Variants in HDAC5 observed in about 807,000 individuals in gnomAD.
HDAC5 encodes antigen NY-CO-9.
In HDAC5, 25 loss-of-function variants were observed where a neutral mutation model predicts 133.3. The observed-to-expected ratio is 0.19, with a 90% confidence interval of 0.14 to 0.26. The LOEUF is 0.26. HDAC5 is among the 10% of genes least tolerant of loss of function. HDAC5 has a pLI of 1.00. For missense variants in HDAC5, 1,041 were observed against 1,460.5 expected, an observed-to-expected ratio of 0.71 and a Z score of 4.68; for synonymous variants, 589 against 610.8, an observed-to-expected ratio of 0.96 and a Z score of 0.53.
intron 3 of HDAC5, among the ~76,000 whole-genome samples, chr17:44,104,428 A>C (rs575798): frequency 0.69 from 105,268 of 152,196 alleles, 37,292 homozygotes; most frequent in South Asian, 0.88. Flanking sequence ...CAGCCTCAGA[A>C]TCCCACCAGA....
At chr17:44,103,711 CTTT>C (rs746802870) in intron 3 of HDAC5, among the ~76,000 whole-genome samples, 2 of 141,408 alleles carry the variant, frequency 1.4e-5, no homozygotes. Context: ...ATGGTTTTTT[CTTT>C]TTTTTTTTTT....
At position 44,085,173 on chromosome 17, in the gene HDAC5, G is replaced by A. The variant is rs769581769; in HGVS notation, c.2051-18C>T. On this transcript the variant is annotated intron_variant, in intron 14 of 26. Transcript: ENST00000682912. ...GACCACACCTGGGCCACAGACCTAT[G>A]TGTCAGCCAGCACTGCTCTGGGCCC... 3.2e-5 allele frequency: 50 copies of A among 1,579,652 alleles called. No homozygotes were observed. In the Admixed American group the frequency reaches 5.7e-4, roughly 18 times the overall value.
Position 44,084,625 on chromosome 17 carries a change from A to C in HDAC5, c.2235T>G (p.Ser745=). The C allele has an allele frequency of 5.6e-6, 9 of 1,614,084 alleles. No individual in the cohort carries two copies. Among genetic ancestry groups the C allele is most frequent in the Non-Finnish European group, 7.6e-6 (9 of 1,179,984 alleles). The change falls in exon 16 of 27, where the codon TCT becomes TCG. Residue 745 remains serine (S), a synonymous_variant. Coordinates refer to ENST00000682912, the MANE Select transcript of HDAC5 (RefSeq NM_005474.5). ...TCCCATAGAGCAGGGTGTGGTATTC[A>C]GAGTGCACTGTCTGGATCTCATCTA... is the stretch of plus-strand genomic sequence containing the variant. ...ATLDEIQTVH[S]EYHTLLYGTS... is the part of the protein sequence containing the mutation.
In HDAC5 at chr17:44,078,484, G is replaced by A. The variant is rs760687739; in HGVS notation, c.3329+16C>T. On this transcript the variant is annotated intron_variant, in intron 26 of 26. Transcript: ENST00000682912. ...GCAGGGGTGAGGGCAGAGAGGTGGTGCGGGTTGCTGCTTACCTGGGGCTGT... is the reference window on the plus strand; with the variant it reads ...GCAGGGGTGAGGGCAGAGAGGTGGTACGGGTTGCTGCTTACCTGGGGCTGT... The A allele has an allele frequency of 2.5e-6, 4 of 1,598,180 alleles. No homozygotes were observed. The highest frequency in any genetic ancestry group is 1.3e-5 in the African/African-American group (1 of 74,610).
chr17:44,121,354 G>T (rs1277758745), intron 1 of HDAC5, among the ~76,000 whole-genome samples: 2 of 151,906 alleles, frequency 1.3e-5, no homozygotes, highest in East Asian at 3.9e-4. Context: ...CCCCCTCACG[G>T]GCTACATCAG....
intron 25 of HDAC5, 47 bp from the exon 26 acceptor site, chr17:44,078,712 C>T (rs1439435548): frequency 1.9e-6 from 3 of 1,609,442 alleles, no homozygotes; most frequent in Non-Finnish European, 2.5e-6. Context: ...AGAGGACACC[C>T]ACATGAACAG....
intron 3 of HDAC5, among the ~76,000 whole-genome samples, chr17:44,100,883 G>A (rs1248079412): frequency 2.0e-5 from 3 of 149,356 alleles, no homozygotes. Context: ...CCGCCTTCTG[G>A]GTTCAAGCGA....
chr17:44,096,415 C>CA (rs2051273396), intron 3 of HDAC5, among the ~76,000 whole-genome samples: 1 of 151,610 alleles, frequency 6.6e-6, no homozygotes, highest in South Asian at 2.1e-4. Context: ...AGACCACCCC[C>CA]CAGCATTAAG....
intron 14 of HDAC5, 80 bp downstream of exon 14, chr17:44,086,492 T>C: frequency 4.2e-6 from 5 of 1,200,516 alleles, no homozygotes; most frequent in Non-Finnish European, 4.2e-6. Flanking sequence ...CAGCAGCCTC[T>C]TCCCCCTGCC....
Position 44,078,418 on chromosome 17 carries a change from G to A in HDAC5, c.3330-3C>T. ...GCTCCATGGGCTCCTCTGCCGGCCTGTGGGGCAAGCACAGGGGAGGGTATT... is the reference window on the plus strand; with the variant it reads ...GCTCCATGGGCTCCTCTGCCGGCCTATGGGGCAAGCACAGGGGAGGGTATT... On this transcript the variant is annotated splice_polypyrimidine_tract_variant and splice_region_variant and intron_variant, in intron 26 of 26. Coordinates refer to ENST00000682912, the MANE Select transcript of HDAC5 (RefSeq NM_005474.5). 1 of 1,535,884 alleles carries A rather than the reference G, an allele frequency of 6.5e-7. No individual in the cohort carries two copies. The highest frequency in any genetic ancestry group is 8.8e-7 in the Non-Finnish European group (1 of 1,139,322).
rs1166752202 is a variant in HDAC5 at position 44,092,732 on chromosome 17, T to C, written c.716A>G (p.Lys239Arg). The change falls in exon 7 of 27, where the codon AAA becomes AGA. Residue 239 changes from lysine to arginine, a missense_variant. This residue lies in a region of HDAC5 where 56 missense variants were observed against 41.3 expected (regional missense o/e 1.36). Coordinates refer to ENST00000682912, the MANE Select transcript of HDAC5 (RefSeq NM_005474.5). ...SGPPGTPPSY[K>R]LPLPGPYDSR... ...GTCGTAGGGCCCAGGCAAAGGCAGT[T>C]TGTAGGAGGGAGGCGTCCCAGGGGG... is the stretch of plus-strand genomic sequence containing the variant. 2.7e-6 allele frequency: 4 copies of C among 1,487,034 alleles called. No homozygotes were observed. Among genetic ancestry groups the C allele is most frequent in the South Asian group, 1.4e-5 (1 of 70,166 alleles). The allele number at this position is 1,487,034 out of a possible 1,614,324, so 92.1% of individuals were successfully genotyped here. A position where few individuals can be genotyped will look rare whatever the true frequency, so the allele number is the denominator to read the frequency against.
chr17:44,114,379 T>C (rs1332369427), intron 2 of HDAC5, among the ~76,000 whole-genome samples: 2 of 151,968 alleles, frequency 1.3e-5, no homozygotes, highest in South Asian at 2.1e-4. Context: ...GACACCGAGG[T>C]TCCTGGCTCC....
rs1210360478 is a variant in HDAC5 at position 44,091,227 on chromosome 17, C to T, written c.1387+43G>A. 10 of 1,476,514 alleles carry T rather than the reference C, an allele frequency of 6.8e-6. No individual in the cohort carries two copies. In the African/African-American group the frequency reaches 1.1e-4, roughly 16 times the overall value. 91.5% of individuals were successfully genotyped at this position (1,476,514 alleles called of 1,614,324 possible). On this transcript the variant is annotated intron_variant, in intron 11 of 26. Transcript: ENST00000682912. ...TGGAGAGTATCCCTGACAGTTGGTC[C>T]TGACCTTAGCCCCCTCCCTTGCACA...
chr17:44,092,648 TGGGAGG>T, intron 7 of HDAC5, 22 bp downstream of exon 7: 1 of 1,529,772 alleles, frequency 6.5e-7, no homozygotes, highest in South Asian at 1.3e-5. Context: ...AGCCATATTC[TGGGAGG>T]CCAGGTGGGG....
chr17:44,080,542 G>A (rs1384028091), intron 21 of HDAC5, 44 bp from the exon 22 acceptor site: 2 of 1,590,372 alleles, frequency 1.3e-6, no homozygotes, highest in Non-Finnish European at 1.7e-6. Flanking sequence ...CCACCTGGGA[G>A]TCCCAAACAT....
intron 2 of HDAC5, chr17:44,111,426 G>C (rs1172525240): frequency 2.6e-5 from 10 of 389,610 alleles, no homozygotes; most frequent in East Asian, 1.4e-4. Context: ...TCAGGGCCAA[G>C]GCCACAGCGC....
In HDAC5 at chr17:44,117,341, T is replaced by C. The variant is rs2052709600; in HGVS notation, c.22+153A>G. On this transcript the variant is annotated intron_variant, in intron 2 of 26. Coordinates refer to ENST00000682912, the MANE Select transcript of HDAC5 (RefSeq NM_005474.5). This position sits in a 1 kb window ranked among gnomAD's most constrained non-coding sequence, Gnocchi z 4.2. ...TCCCTCGATTCCCAGGTCTACCTCA[T>C]GGGCCCTTTCTTGCAACACTTCTCC... Among the ~76,000 whole-genome samples the C allele has an allele frequency of 6.6e-6, 1 of 152,192 alleles. No individual in the cohort carries two copies. The highest frequency in any genetic ancestry group is 1.5e-5 in the Non-Finnish European group (1 of 68,042).
intron 15 of HDAC5, 92 bp from the exon 16 acceptor site, chr17:44,084,767 T>C: frequency 6.7e-7 from 1 of 1,499,442 alleles, no homozygotes; most frequent in Non-Finnish European, 9.1e-7. Context: ...AGCCACTTCC[T>C]GGCCTCAGGA....
intron 3 of HDAC5, among the ~76,000 whole-genome samples, chr17:44,100,815 A>C (rs1291908680): frequency 6.7e-6 from 1 of 149,366 alleles, no homozygotes; most frequent in Non-Finnish European, 1.5e-5. Flanking sequence ...TTGGAGACGG[A>C]GTCTCGCTCT....
Sources: gnomAD v4.1 joint callset for allele counts (sites outside exome capture counted in the v4.1 genomes callset) on GRCh38, gnomAD v4.1.1 for gene constraint, gnomAD v4.1.1 regional missense constraint, Gnocchi (gnomAD v3.1) non-coding constraint, MANE v1.5 for transcripts, NCBI Gene and HGNC (gene_info 2026-07-23, HGNC 2026-07-21) for gene names.